Variants in MAGI3 observed in about 807,000 individuals in gnomAD.
The protein encoded by MAGI3 is membrane associated guanylate kinase, WW and PDZ domain containing 3.
Under a neutral mutation model 121.8 loss-of-function variants are expected in MAGI3, and 43 were observed. That is an observed-to-expected ratio of 0.35 (90% CI 0.28 to 0.46). The LOEUF is 0.46. MAGI3 is among the 20% of genes least tolerant of loss of function. The pLI, the probability that MAGI3 is intolerant of heterozygous loss-of-function variation, is 1.00. For missense variants in MAGI3, 1,547 were observed against 1,797.3 expected (o/e 0.86, Z 2.52); for synonymous variants, 553 against 639.3 (o/e 0.86, Z 2.04).
At chr1:113,468,098 T>A (rs1319644036) in intron 1 of MAGI3, among the ~76,000 whole-genome samples, 1 of 152,186 alleles carries the variant, frequency 6.6e-6, no homozygotes, top group East Asian at 1.9e-4. Context: ...CCACTTTCTG[T>A]CTTTGTGTTT....
chr1:113,399,144 G>A (rs374884756), intron 1 of MAGI3, among the ~76,000 whole-genome samples: 2 of 152,040 alleles, frequency 1.3e-5, no homozygotes, highest in African/African-American at 4.8e-5. Flanking sequence ...TCAGTGTAGC[G>A]GTGAAGGTAG....
intron 1 of MAGI3, among the ~76,000 whole-genome samples, chr1:113,479,046 G>T (rs1655989761): frequency 6.6e-6 from 1 of 152,220 alleles, no homozygotes; most frequent in South Asian, 2.1e-4. Flanking sequence ...GGGCGTGGGA[G>T]CTGCCAAGCC....
chr1:113,468,866 G>T (rs1000937013), intron 1 of MAGI3, among the ~76,000 whole-genome samples: 18 of 151,780 alleles, frequency 1.2e-4, no homozygotes, highest in African/African-American at 4.4e-4. Context: ...GTGCTATTCT[G>T]ACAGTGAGCT....
rs555250702 is a variant in MAGI3, at chr1:113,573,302, G to C, written c.434-7240G>C. 5.3e-5 allele frequency among the ~76,000 whole-genome samples: 8 copies of C among 152,302 alleles called. No homozygotes were observed. In the South Asian group the frequency reaches 1.7e-3, roughly 32 times the overall value. On this transcript the variant is annotated intron_variant, in intron 2 of 20. Transcript: ENST00000307546. ...TTGTGACATTAGGTTGTCTATTTTA[G>C]ATCTTTCCAGTTTTCCGATGTGGGC... is the stretch of plus-strand genomic sequence containing the variant.
At chr1:113,564,709 CAAAT>C (rs1012449263) in intron 2 of MAGI3, among the ~76,000 whole-genome samples, 2 of 151,646 alleles carry the variant, frequency 1.3e-5, no homozygotes, top group South Asian at 2.1e-4. Context: ...ACCTCTAAAA[CAAAT>C]GAATGAATGG....
chr1:113,632,576 A>G (rs1212215498), intron 9 of MAGI3, among the ~76,000 whole-genome samples: 1 of 152,214 alleles, frequency 6.6e-6, no homozygotes, highest in African/African-American at 2.4e-5. Flanking sequence ...ATGACCGTCA[A>G]CTGGTAATGA....
At chr1:113,631,629 G>C (rs1480640124) in intron 9 of MAGI3, among the ~76,000 whole-genome samples, 3 of 151,766 alleles carry the variant, frequency 2.0e-5, no homozygotes, top group Non-Finnish European at 4.4e-5. Flanking sequence ...GGATACTTTT[G>C]GAGCAAACAT....
chr1:113,416,357 A>G (rs1395645105), intron 1 of MAGI3, among the ~76,000 whole-genome samples: 3 of 121,508 alleles, frequency 2.5e-5, no homozygotes, highest in Admixed American at 9.7e-5. Context: ...ATTATATATT[A>G]ATTTATATTA....
chr1:113,518,889 T>C (rs1658049187), intron 1 of MAGI3, among the ~76,000 whole-genome samples: 1 of 152,194 alleles, frequency 6.6e-6, no homozygotes, highest in Non-Finnish European at 1.5e-5. Context: ...CAGTGATTAT[T>C]TTAAAATGAA....
chr1:113,630,755 A>G (rs931250673), intron 9 of MAGI3, among the ~76,000 whole-genome samples: 3 of 152,226 alleles, frequency 2.0e-5, no homozygotes, highest in Admixed American at 6.5e-5. Flanking sequence ...CCCTCTCACA[A>G]TCACACAGAT....
intron 1 of MAGI3, among the ~76,000 whole-genome samples, chr1:113,468,839 C>T (rs533211818): frequency 2.6e-5 from 4 of 151,944 alleles, no homozygotes; most frequent in Non-Finnish European, 5.9e-5. Flanking sequence ...TTGTAGATCT[C>T]GTATTTCTAT....
At chr1:113,492,143 A>G (rs1212264199) in intron 1 of MAGI3, among the ~76,000 whole-genome samples, 1 of 152,214 alleles carries the variant, frequency 6.6e-6, no homozygotes, top group African/African-American at 2.4e-5. Flanking sequence ...AATCAAATCC[A>G]GCATAACATC....
At chr1:113,410,255 G>A (rs1651904935) in intron 1 of MAGI3, among the ~76,000 whole-genome samples, 1 of 151,804 alleles carries the variant, frequency 6.6e-6, no homozygotes, top group African/African-American at 2.4e-5. Flanking sequence ...TGAGGCATTG[G>A]GAAGCCTCTT....
chr1:113,486,233 T>C (rs972117204), intron 1 of MAGI3, among the ~76,000 whole-genome samples: 6 of 152,202 alleles, frequency 3.9e-5, no homozygotes, highest in Non-Finnish European at 5.9e-5. Flanking sequence ...TGCATTGATA[T>C]TGAGAATTGC....
chr1:113,641,090 ATTAT>A (rs1557869096), intron 9 of MAGI3, among the ~76,000 whole-genome samples: 1 of 65,112 alleles, frequency 1.5e-5, no homozygotes, highest in Non-Finnish European at 2.8e-5. Context: ...TGAGATATAT[ATTAT>A]ATATATGATA....
chr1:113,611,524 T>G (rs928576448), intron 6 of MAGI3, among the ~76,000 whole-genome samples: 1 of 152,206 alleles, frequency 6.6e-6, no homozygotes, highest in Non-Finnish European at 1.5e-5. Flanking sequence ...TTCTGTTACT[T>G]TACCTTCTTT....
chr1:113,662,911 CTATAAA>C (rs1653856467), intron 16 of MAGI3, among the ~76,000 whole-genome samples: 1 of 152,014 alleles, frequency 6.6e-6, no homozygotes, highest in Admixed American at 6.6e-5. Flanking sequence ...ACTTCATATA[CTATAAA>C]ATTAATCATT....
intron 1 of MAGI3, among the ~76,000 whole-genome samples, chr1:113,546,572 A>G (rs1463065288): frequency 6.6e-6 from 1 of 151,826 alleles, no homozygotes; most frequent in Admixed American, 6.6e-5. Context: ...CCTGACCTCA[A>G]GTAATCCAAC....
chr1:113,593,121 T>C (rs778380550), intron 5 of MAGI3, among the ~76,000 whole-genome samples: 10 of 152,200 alleles, frequency 6.6e-5, no homozygotes, highest in South Asian at 2.1e-4. Context: ...ACAAAAGATA[T>C]AGAAGATGTG....
Sources: allele counts gnomAD v4.1 joint callset (sites outside exome capture counted in the v4.1 genomes callset), GRCh38; gene constraint gnomAD v4.1.1; transcripts MANE v1.5; gene names NCBI Gene and HGNC (gene_info 2026-07-23, HGNC 2026-07-21).